The following KIF6 variants were observed in gnomAD, a reference collection of about 807,000 sequenced individuals.
KIF6 encodes kinesin-like protein KIF6.
A neutral mutation model predicts 112.7 loss-of-function variants in KIF6; 106 were observed. The observed-to-expected ratio is 0.94, with a 90% CI of 0.80 to 1.11. KIF6 has a LOEUF of 1.11. Ranked by LOEUF, KIF6 falls within the 50% of genes least tolerant of loss-of-function variation. KIF6 has a pLI of 0.00. For missense variants in KIF6, 929 were observed against 964.0 expected, an observed-to-expected ratio of 0.96 and a Z score of 0.48; for synonymous variants, 339 against 339.9, an observed-to-expected ratio of 1.00 and a Z score of 0.03.
At chr6:39,458,370 T>C (rs1391350795) in intron 13 of KIF6, among the ~76,000 whole-genome samples, 109 of 141,026 alleles carry the variant, frequency 7.7e-4, no homozygotes, top group African/African-American at 2.6e-3. Context: ...TGGGACGTAT[T>C]TCAAAATAAT....
intron 13 of KIF6, among the ~76,000 whole-genome samples, chr6:39,471,648 G>A (rs892377148): frequency 6.6e-6 from 1 of 152,088 alleles, no homozygotes; most frequent in African/African-American, 2.4e-5. Context: ...AAAATCATCT[G>A]CCAGCACATC....
chr6:39,561,369 TG>T (rs869289409), intron 10 of KIF6, among the ~76,000 whole-genome samples: 3 of 139,988 alleles, frequency 2.1e-5, no homozygotes, highest in African/African-American at 5.2e-5. Context: ...TTTTTTTTTT[TG>T]AGATGGAGTC....
Position 39,584,920 on chromosome 6 carries a change from T to C in KIF6, c.1055A>G (p.Asn352Ser). 1 of 1,610,910 alleles carries C rather than the reference T, an allele frequency of 6.2e-7. No individual in the cohort carries two copies. The highest frequency in any genetic ancestry group is 1.7e-4 in the Middle Eastern group (1 of 5,960). Residue 352 changes from asparagine to serine, a missense_variant, in exon 9 of 23, where the codon AAT becomes AGT. By Grantham distance (46) the Asn-to-Ser change is conservative. Around this residue, in one of 2 missense-constraint regions of KIF6, gnomAD observed 688 missense variants for 662.7 expected, o/e 1.04. Coordinates refer to ENST00000287152, the MANE Select transcript of KIF6 (RefSeq NM_145027.6). ...VALIKNEAVL[N>S]EEINPRLVIK... ...TACTAATCTGGGGTTAATTTCTTCA[T>C]TAAGAACAGCTTCATTCTTTATGAG... is the stretch of plus-strand genomic sequence containing the variant.
intron 3 of KIF6, among the ~76,000 whole-genome samples, chr6:39,699,161 T>C (rs757118620): frequency 9.2e-5 from 14 of 151,986 alleles, no homozygotes; most frequent in Non-Finnish European, 1.6e-4. Context: ...AGATAGGTAA[T>C]GTACAATAAC....
At chr6:39,426,807 C>T (rs1011627745) in intron 14 of KIF6, among the ~76,000 whole-genome samples, 1 of 152,108 alleles carries the variant, frequency 6.6e-6, no homozygotes, top group Non-Finnish European at 1.5e-5. Context: ...ACTGTCCCCT[C>T]CTGCAACTCT....
At chr6:39,710,942 G>A (rs372619731) in intron 3 of KIF6, among the ~76,000 whole-genome samples, 2 of 152,004 alleles carry the variant, frequency 1.3e-5, no homozygotes, top group East Asian at 1.9e-4. Context: ...CAGGAGGATC[G>A]TTTAAGTCCA....
intron 15 of KIF6, among the ~76,000 whole-genome samples, chr6:39,405,374 T>G (rs1308506505): frequency 6.6e-6 from 1 of 152,172 alleles, no homozygotes; most frequent in Non-Finnish European, 1.5e-5. Context: ...CTTCATCAGG[T>G]TGAGAAAGTT....
intron 15 of KIF6, among the ~76,000 whole-genome samples, chr6:39,404,734 C>T (rs1485196497): frequency 6.6e-6 from 1 of 152,130 alleles, no homozygotes; most frequent in Non-Finnish European, 1.5e-5. Flanking sequence ...AATAGAACTG[C>T]ATTACATTTA....
rs778330300 is a variant in KIF6 at position 39,596,108 on chromosome 6, GC to G, written c.791del (p.Gly264AlafsTer4). 3 of 1,613,890 alleles carry G rather than the reference GC, an allele frequency of 1.9e-6. No individual in the cohort carries two copies. Among genetic ancestry groups the G allele is most frequent in the Non-Finnish European group, 1.7e-6 (2 of 1,179,924 alleles). On this transcript the variant is annotated frameshift_variant, in exon 7 of 23. Coordinates refer to ENST00000287152, the MANE Select transcript of KIF6 (RefSeq NM_145027.6). LOFTEE classifies it high-confidence loss of function. ...TATACTTGGCCTCTGTTAGAAGATG[GC>G]CCCCTACTCCAGTCTTTGCAACTCG... The part of the protein sequence containing the change: ...SERVAKTGVG[G>X]HLLTEAKYIN...
At position 39,676,257 on chromosome 6, in the gene KIF6, G is replaced by A. The variant is rs114414036; in HGVS notation, c.252-36500C>T. On this transcript the variant is annotated intron_variant, in intron 3 of 22. Transcript: ENST00000287152. The stretch of plus-strand genomic sequence containing the variant: ...AAAAATGCAAGAAAAGACATTGCCT[G>A]AAAAAGACCAATTAGACTAAAGCAG... Among the ~76,000 whole-genome samples, 1,493 of 152,202 alleles carry A rather than the reference G, an allele frequency of 9.8e-3. 30 individuals are homozygous for A. The highest frequency in any genetic ancestry group is 0.033 in the African/African-American group (1,375 of 41,552).
At chr6:39,557,668 A>AT (rs1030248927) in intron 10 of KIF6, among the ~76,000 whole-genome samples, 7 of 151,700 alleles carry the variant, frequency 4.6e-5, no homozygotes, top group African/African-American at 1.5e-4. Context: ...TTTTGTATAT[A>AT]TTTTTTTTGG....
At chr6:39,616,973 A>G (rs952847210) in intron 5 of KIF6, among the ~76,000 whole-genome samples, 1 of 151,930 alleles carries the variant, frequency 6.6e-6, no homozygotes, top group Non-Finnish European at 1.5e-5. Flanking sequence ...TTAATCTACC[A>G]CTTGGTTCTG....
intron 13 of KIF6, among the ~76,000 whole-genome samples, chr6:39,507,672 C>CT: frequency 7.2e-6 from 1 of 138,262 alleles, no homozygotes; most frequent in East Asian, 2.3e-4. Flanking sequence ...TCCTTCCTTC[C>CT]TTCCTTCCTT....
At chr6:39,617,336 C>T (rs921334300) in intron 5 of KIF6, among the ~76,000 whole-genome samples, 1 of 152,162 alleles carries the variant, frequency 6.6e-6, no homozygotes, top group Admixed American at 6.5e-5. Flanking sequence ...GAGCAATAGG[C>T]AGGCTCTTGT....
At chr6:39,622,888 G>A (rs1288719183) in intron 5 of KIF6, among the ~76,000 whole-genome samples, 2 of 152,194 alleles carry the variant, frequency 1.3e-5, no homozygotes, top group African/African-American at 4.8e-5. Context: ...AGGAAGCCCT[G>A]AAGGCATCCT....
intron 13 of KIF6, among the ~76,000 whole-genome samples, chr6:39,484,630 G>T (rs1775009059): frequency 6.6e-6 from 1 of 152,194 alleles, no homozygotes; most frequent in African/African-American, 2.4e-5. Context: ...GTCTATTGTT[G>T]ATTGATGAAA....
At chr6:39,481,664 C>T (rs957707671) in intron 13 of KIF6, among the ~76,000 whole-genome samples, 2 of 152,148 alleles carry the variant, frequency 1.3e-5, no homozygotes, top group African/African-American at 4.8e-5. Context: ...TCCCCACAAA[C>T]TCACCCCACC....
At chr6:39,490,469 A>T (rs773051041) in intron 13 of KIF6, among the ~76,000 whole-genome samples, 3 of 152,204 alleles carry the variant, frequency 2.0e-5, no homozygotes, top group Non-Finnish European at 4.4e-5. Context: ...GTCTGTTAGA[A>T]ATGAGGTGTG....
At chr6:39,497,478 G>T (rs1285696644) in intron 13 of KIF6, among the ~76,000 whole-genome samples, 1 of 152,170 alleles carries the variant, frequency 6.6e-6, no homozygotes, top group African/African-American at 2.4e-5. Context: ...TAGGCAGATG[G>T]TTTGTGTGGA....
Sources: gnomAD v4.1 joint callset for allele counts (sites outside exome capture counted in the v4.1 genomes callset) on GRCh38, gnomAD v4.1.1 for gene constraint, gnomAD v4.1.1 regional missense constraint, MANE v1.5 for transcripts, NCBI Gene and HGNC (gene_info 2026-07-23, HGNC 2026-07-21) for gene names.